The following PRKCB variants were observed in gnomAD, a reference collection of about 807,000 sequenced individuals.
The protein encoded by PRKCB is protein kinase C beta.
PRKCB carries 13 observed loss-of-function variants against 81.5 expected under a neutral mutation model. That is an observed-to-expected ratio of 0.16 (90% CI 0.10 to 0.25). The LOEUF is 0.25. Ranked by LOEUF, PRKCB falls within the 10% of genes least tolerant of loss-of-function variation. The pLI is 1.00. For synonymous variants in PRKCB, 335 were observed against 321.4 expected (o/e 1.04, Z -0.45); for missense variants, 509 against 875.7 (o/e 0.58, Z 5.29).
At position 23,984,966 on chromosome 16, in the gene PRKCB, C is replaced by T. The variant is rs558952108; in HGVS notation, c.206-3542C>T. Among the ~76,000 whole-genome samples, 17 of 152,172 alleles carry T rather than the reference C, an allele frequency of 1.1e-4. 1 individual carries two copies. In the South Asian group the frequency reaches 1.5e-3, roughly 13 times the overall value. On this transcript the variant is annotated intron_variant, in intron 2 of 16. Coordinates refer to ENST00000643927, the MANE Select transcript of PRKCB (RefSeq NM_002738.7). The stretch of plus-strand genomic sequence containing the variant: ...AATAAAAATATTATTTGGGGTAATA[C>T]GGTTTTCTATCTGGAAAACTCAAAG...
intron 9 of PRKCB, among the ~76,000 whole-genome samples, chr16:24,138,374 G>A (rs1034401813): frequency 2.6e-5 from 4 of 152,096 alleles, no homozygotes; most frequent in Non-Finnish European, 4.4e-5. Flanking sequence ...GACTTTAAGG[G>A]TTTCATTTCA....
chr16:24,096,453 A>G (rs1372988261), intron 7 of PRKCB, among the ~76,000 whole-genome samples: 1 of 151,732 alleles, frequency 6.6e-6, no homozygotes, highest in Non-Finnish European at 1.5e-5. Flanking sequence ...GACTGGCTCC[A>G]TGGACACTAG....
intron 2 of PRKCB, among the ~76,000 whole-genome samples, chr16:23,888,145 C>T (rs1055463025): frequency 6.6e-6 from 1 of 152,208 alleles, no homozygotes; most frequent in African/African-American, 2.4e-5. Context: ...AGGAGGACTT[C>T]AGGCAATCCC....
intron 15 of PRKCB, among the ~76,000 whole-genome samples, chr16:24,189,448 C>T (rs1394928091): frequency 2.6e-5 from 4 of 151,878 alleles, no homozygotes; most frequent in African/African-American, 9.7e-5. Context: ...ACCATCCTGG[C>T]TAACATGGTG....
At chr16:24,020,993 TTTCTTTC>T (rs1965357221) in intron 3 of PRKCB, among the ~76,000 whole-genome samples, 1 of 127,420 alleles carries the variant, frequency 7.8e-6, no homozygotes, top group Non-Finnish European at 1.7e-5. Context: ...TCTTTCTTTC[TTTCTTTC>T]TTTCTTTCTT....
At chr16:24,004,494 A>AG (rs934249521) in intron 3 of PRKCB, among the ~76,000 whole-genome samples, 6 of 151,270 alleles carry the variant, frequency 4.0e-5, no homozygotes, top group African/African-American at 1.2e-4. Context: ...AAAAAAAAAA[A>AG]AAAAGAAAAA....
intron 5 of PRKCB, among the ~76,000 whole-genome samples, chr16:24,091,316 C>T (rs1360681316): frequency 1.3e-5 from 2 of 152,176 alleles, no homozygotes; most frequent in Admixed American, 1.3e-4. Flanking sequence ...ACCATCTTTG[C>T]ATTCCTGATA....
At position 23,964,009 on chromosome 16, in the gene PRKCB, A is replaced by G. The variant is rs1964456954; in HGVS notation, c.206-24499A>G. The stretch of plus-strand genomic sequence containing the variant: ...ACAGTAGTAGGGCTAGACATTTAGT[A>G]TACTCCAGGGCTACTGCGGGGATTA... On this transcript the variant is annotated intron_variant, in intron 2 of 16. Transcript: ENST00000643927. 2.0e-5 allele frequency among the ~76,000 whole-genome samples: 3 copies of G among 152,158 alleles called. No individual in the cohort carries two copies. The South Asian group carries it at 6.2e-4, about 31-fold the overall frequency.
At chr16:24,080,388 C>T (rs538099090) in intron 5 of PRKCB, among the ~76,000 whole-genome samples, 9 of 152,208 alleles carry the variant, frequency 5.9e-5, no homozygotes, top group Admixed American at 1.3e-4. Flanking sequence ...TCAAACAGCA[C>T]GGGGTTGTAG....
At chr16:24,111,272 G>C (rs1196651774) in intron 7 of PRKCB, 1 of 152,206 alleles carries the variant, frequency 6.6e-6, no homozygotes, top group Admixed American at 6.5e-5. Context: ...TGGAAGCTGC[G>C]TAAGAAGATT....
chr16:24,121,014 C>T (rs529194163), intron 8 of PRKCB, among the ~76,000 whole-genome samples: 1 of 152,182 alleles, frequency 6.6e-6, no homozygotes, highest in African/African-American at 2.4e-5. Context: ...ATACCATAGC[C>T]CTGCTTCAAA....
At position 24,174,584 on chromosome 16, in the gene PRKCB, A is replaced by C; in HGVS notation, c.1394+4A>C. 6.2e-7 allele frequency: 1 copy of C among 1,611,720 alleles called. No homozygotes were observed. The highest frequency in any genetic ancestry group is 8.5e-7 in the Non-Finnish European group (1 of 1,178,100). On this transcript the variant is annotated splice_donor_region_variant and intron_variant, in intron 12 of 16. Coordinates refer to ENST00000643927, the MANE Select transcript of PRKCB (RefSeq NM_002738.7). ...AGAGTAAGGGCATCATTTACCGGTA[A>C]GTGAACACTGCTGTACTTTCCATCT...
intron 2 of PRKCB, among the ~76,000 whole-genome samples, chr16:23,878,493 C>T (rs1011187392): frequency 2.0e-5 from 3 of 152,192 alleles, no homozygotes; most frequent in South Asian, 2.1e-4. Flanking sequence ...GCAACGTCAC[C>T]CTCAAAAAGC....
chr16:23,836,330 A>C lies in PRKCB; in HGVS notation c.155A>C (p.His52Pro). ...TTCAAGCAGCCCACCTTCTGCAGCC[A>C]CTGCACCGACTTCATCTGGTGAGCG... ...RFFKQPTFCSHCTDFIWGFGK... is the reference protein window; with the variant it reads ...RFFKQPTFCSPCTDFIWGFGK... Residue 52 changes from histidine to proline, a missense_variant, in exon 1 of 17, where the codon CAC (histidine) becomes CCC (proline). His to Pro is a moderately conservative substitution (Grantham distance 77). Around this residue, in one of 6 missense-constraint regions of PRKCB, gnomAD observed 184 missense variants for 362.9 expected, o/e 0.51. Coordinates refer to ENST00000643927, the MANE Select transcript of PRKCB (RefSeq NM_002738.7). 6.2e-7 allele frequency: 1 copy of C among 1,602,112 alleles called. No homozygotes were observed. The highest frequency in any genetic ancestry group is 8.5e-7 in the Non-Finnish European group (1 of 1,175,016).
intron 16 of PRKCB, chr16:24,207,975 G>A (rs1372239977): frequency 6.6e-6 from 1 of 152,494 alleles, no homozygotes; most frequent in African/African-American, 2.4e-5. Flanking sequence ...CACAGGCAGG[G>A]AAGGGGCCAT....
chr16:24,215,323 T>A lies in PRKCB; in HGVS notation c.*507T>A. 1 of 986,290 alleles carries A rather than the reference T, an allele frequency of 1.0e-6. No individual in the cohort carries two copies. The highest frequency in any genetic ancestry group is 1.2e-6 in the Non-Finnish European group (1 of 830,206). The allele number at this position is 986,290 out of a possible 1,614,324, so 61.1% of individuals were successfully genotyped here. A position where few individuals can be genotyped will look rare whatever the true frequency, so the allele number is the denominator to read the frequency against. ...AAAAGAACATGCTCAAAATAAAATG[T>A]TATCTGTTATTTTTGTAAACTCAAA... On this transcript the variant is annotated 3_prime_UTR_variant, in exon 17 of 17. Transcript: ENST00000643927.
At chr16:24,113,270 TTC>T (rs1344610129) in intron 8 of PRKCB, among the ~76,000 whole-genome samples, 6 of 149,238 alleles carry the variant, frequency 4.0e-5, no homozygotes, top group South Asian at 4.2e-4. Context: ...CTTTCTTCCT[TTC>T]TCTCTTGCTT....
intron 2 of PRKCB, among the ~76,000 whole-genome samples, chr16:23,932,116 C>T (rs186150647): frequency 3.1e-4 from 47 of 152,104 alleles, no homozygotes; most frequent in Admixed American, 9.8e-4. Flanking sequence ...GATTTCTTCA[C>T]GAAACCAATG....
chr16:23,998,119 ACTCT>A (rs941884893), intron 3 of PRKCB, among the ~76,000 whole-genome samples: 10 of 151,858 alleles, frequency 6.6e-5, no homozygotes, highest in Admixed American at 3.3e-4. Context: ...GGGTAAATTC[ACTCT>A]CTCTTTTTGA....
Sources: allele counts gnomAD v4.1 joint callset (sites outside exome capture counted in the v4.1 genomes callset), GRCh38; gene constraint gnomAD v4.1.1; regional missense constraint gnomAD v4.1.1; transcripts MANE v1.5; gene names NCBI Gene and HGNC (gene_info 2026-07-23, HGNC 2026-07-21).